The following RNF145 variants were observed in gnomAD, a reference collection of about 807,000 sequenced individuals.
RNF145 encodes the protein ring finger protein 145.
Under a neutral mutation model 57.3 loss-of-function variants are expected in RNF145, and 12 were observed. That is an observed-to-expected ratio of 0.21 (90% confidence interval 0.13 to 0.34). The LOEUF (loss-of-function observed/expected upper bound fraction) is 0.34, where lower values mean the gene tolerates loss of function less well. RNF145 is among the 10% of genes least tolerant of loss of function. The probability of loss-of-function intolerance (pLI) is 1.00; values close to 1 mark genes in which losing one functional copy is unlikely to be tolerated. For missense variants in RNF145, 429 were observed against 799.0 expected (o/e 0.54, Z 5.58); for synonymous variants, 262 against 288.3 (o/e 0.91, Z 0.92).
intron 1 of RNF145, chr5:159,207,572 G>A (rs1785937855): frequency 6.3e-7 from 1 of 1,596,432 alleles, no homozygotes; most frequent in Middle Eastern, 1.7e-4. Flanking sequence ...CTGTCCATCG[G>A]TTAGGATGGT....
chr5:159,190,304 G>A (rs1220963476), intron 3 of RNF145, among the ~76,000 whole-genome samples: 1 of 152,022 alleles, frequency 6.6e-6, no homozygotes, highest in East Asian at 1.9e-4. Flanking sequence ...AAAATGCTGG[G>A]ATTACAAGTG....
In RNF145 at chr5:159,207,374, CAAAGA is replaced by C. The variant is rs1584717663; in HGVS notation, c.-40+1852_-40+1856del. The C allele has an allele frequency of 6.8e-6, 5 of 736,080 alleles. No homozygotes were observed. The East Asian group carries it at 1.1e-4, about 17-fold the overall frequency. 45.6% of individuals were successfully genotyped at this position (736,080 alleles called of 1,614,324 possible). On this transcript the variant is annotated intron_variant, in intron 1 of 10. Coordinates refer to ENST00000424310, the MANE Select transcript of RNF145 (RefSeq NM_001199383.2). ...CCTCCTAAACTTTTTTTTAAAAAGACAAAGAAAAAACAAGAATGACACGTGACCCA... is the reference window on the plus strand; with the variant it reads ...CCTCCTAAACTTTTTTTTAAAAAGACAAAAACAAGAATGACACGTGACCCA...
intron 9 of RNF145, among the ~76,000 whole-genome samples, chr5:159,162,226 G>T (rs762443296): frequency 6.6e-6 from 1 of 152,120 alleles, no homozygotes. Flanking sequence ...GGAACTATTG[G>T]TATTTTTGAG....
chr5:159,197,600 T>G (rs112222567), intron 2 of RNF145, among the ~76,000 whole-genome samples: 3 of 152,328 alleles, frequency 2.0e-5, no homozygotes, highest in African/African-American at 7.2e-5. Flanking sequence ...ATGAACCATC[T>G]GAACTACGAT....
chr5:159,174,017 A>T lies in RNF145; in HGVS notation c.763T>A (p.Ser255Thr), dbSNP rs1483223302. 1 of 1,613,216 alleles carries T rather than the reference A, an allele frequency of 6.2e-7. No individual in the cohort carries two copies. Among genetic ancestry groups the T allele is most frequent in the South Asian group, 1.1e-5 (1 of 90,936 alleles). Residue 255 changes from serine (S) to threonine (T), a missense_variant, in exon 6 of 11, where the codon TCA becomes ACA. Coordinates refer to ENST00000424310, the MANE Select transcript of RNF145 (RefSeq NM_001199383.2). ...SYFSTRDQPA[S>T]RERLLFLFLT... ...AAAAGGAAAAGAAGCCTCTCACGTG[A>T]TGCAGGCTGATCTCGAGTACTGAAA... is the stretch of plus-strand genomic sequence containing the variant.
At chr5:159,196,394 CT>C (rs1785462581) in intron 2 of RNF145, among the ~76,000 whole-genome samples, 1 of 152,152 alleles carries the variant, frequency 6.6e-6, no homozygotes, top group Non-Finnish European at 1.5e-5. Context: ...AACACCATCA[CT>C]TTTACTTGAC....
At chr5:159,192,673 A>G (rs1785327176) in intron 3 of RNF145, among the ~76,000 whole-genome samples, 1 of 152,190 alleles carries the variant, frequency 6.6e-6, no homozygotes, top group Non-Finnish European at 1.5e-5. Flanking sequence ...TATATACCTT[A>G]TCTTATTTGA....
chr5:159,159,228 A>C (rs1784136534), intron 10 of RNF145, among the ~76,000 whole-genome samples, 193 bp from the exon 11 acceptor site: 1 of 152,204 alleles, frequency 6.6e-6, no homozygotes, highest in Admixed American at 6.5e-5. Context: ...CAAATAATGC[A>C]AGAACTACTG....
At chr5:159,194,644 G>T in intron 3 of RNF145, 72 bp downstream of exon 3, 1 of 991,868 alleles carries the variant, frequency 1.0e-6, no homozygotes, top group Non-Finnish European at 1.6e-6. Context: ...CAGTGTTCAT[G>T]AAAAGTATTT....
chr5:159,168,848 T>A, intron 8 of RNF145, 25 bp downstream of exon 8: 1 of 1,406,598 alleles, frequency 7.1e-7, no homozygotes, highest in Non-Finnish European at 9.4e-7. Context: ...TGAGTTAATT[T>A]AAAGAATATT....
intron 5 of RNF145, among the ~76,000 whole-genome samples, chr5:159,175,702 A>C (rs775475523): frequency 1.3e-5 from 2 of 152,156 alleles, no homozygotes; most frequent in African/African-American, 4.8e-5. Context: ...ATCACTGTGT[A>C]AGACGAAGAT....
intron 6 of RNF145, among the ~76,000 whole-genome samples, chr5:159,172,201 A>G (rs562616138): frequency 4.6e-5 from 7 of 152,174 alleles, no homozygotes; most frequent in Non-Finnish European, 1.0e-4. Context: ...TCATTTTAAA[A>G]GTCTTCAGGC....
At chr5:159,193,782 T>A (rs1262125370) in intron 3 of RNF145, among the ~76,000 whole-genome samples, 2 of 152,224 alleles carry the variant, frequency 1.3e-5, no homozygotes, top group Non-Finnish European at 2.9e-5. Context: ...CTTCTAAGAT[T>A]AAATTTCAAC....
intron 8 of RNF145, among the ~76,000 whole-genome samples, chr5:159,166,960 A>T (rs1475083550): frequency 2.6e-5 from 4 of 151,948 alleles, no homozygotes; most frequent in Non-Finnish European, 5.9e-5. Context: ...TCCATCTCTA[A>T]AAATAAATAA....
chr5:159,162,559 C>T (rs7732652), intron 9 of RNF145, among the ~76,000 whole-genome samples: 1 of 150,838 alleles, frequency 6.6e-6, no homozygotes, highest in Non-Finnish European at 1.5e-5. Context: ...CTCAGCCTCC[C>T]GAGTAGCTGG....
intron 8 of RNF145, among the ~76,000 whole-genome samples, chr5:159,167,648 G>T (rs78803160): frequency 2.0e-5 from 3 of 152,134 alleles, no homozygotes; most frequent in African/African-American, 7.2e-5. Context: ...CTATTTAATT[G>T]CGCTCACCCT....
chr5:159,180,832 G>C (rs1328107506), intron 4 of RNF145, among the ~76,000 whole-genome samples: 1 of 152,034 alleles, frequency 6.6e-6, no homozygotes, highest in Non-Finnish European at 1.5e-5. Context: ...TCACCACACT[G>C]CAAGTGCTAA....
chr5:159,199,619 TC>T (rs1785593100), intron 2 of RNF145, among the ~76,000 whole-genome samples: 1 of 152,178 alleles, frequency 6.6e-6, no homozygotes, highest in African/African-American at 2.4e-5. Flanking sequence ...TAACTGGTCT[TC>T]TTACCTCCAG....
intron 6 of RNF145, among the ~76,000 whole-genome samples, chr5:159,173,014 T>G (rs1022139247): frequency 2.6e-5 from 4 of 152,096 alleles, no homozygotes; most frequent in South Asian, 2.1e-4. Context: ...GTGGAAAAAA[T>G]AACAAATGTG....
Sources: gnomAD v4.1 joint callset for allele counts (sites outside exome capture counted in the v4.1 genomes callset) on GRCh38, gnomAD v4.1.1 for gene constraint, MANE v1.5 for transcripts, NCBI Gene and HGNC (gene_info 2026-07-23, HGNC 2026-07-21) for gene names.